Variants in ZNF713 observed in about 807,000 individuals in gnomAD.
ZNF713 encodes zinc finger protein 713.
A neutral mutation model predicts 28.7 loss-of-function variants in ZNF713; 21 were observed. That is an observed-to-expected ratio of 0.73 (90% CI 0.52 to 1.05). The LOEUF (loss-of-function observed/expected upper bound fraction) is 1.05. Ranked by LOEUF, ZNF713 falls within the 50% of genes least tolerant of loss-of-function variation. The pLI, the probability that ZNF713 is intolerant of heterozygous loss-of-function variation, is 0.00. For synonymous variants in ZNF713, 167 were observed against 178.0 expected (o/e 0.94, Z 0.49); for missense variants, 458 against 532.4 (o/e 0.86, Z 1.37).
Position 55,897,154 on chromosome 7 carries a change from A to T in ZNF713, c.-582-9099A>T, listed in dbSNP as rs1481331005. Among the ~76,000 whole-genome samples, 4 of 152,138 alleles carry T rather than the reference A, an allele frequency of 2.6e-5. No individual in the cohort carries two copies. In the South Asian group the frequency reaches 8.3e-4, roughly 32 times the overall value. On this transcript the variant is annotated intron_variant, in intron 1 of 6. Transcript: ENST00000429591. ...AGAAGAACACCATTAGGCAAACACCACGTTAATAATTGTTGCAGATGAGAT... is the reference window on the plus strand; with the variant it reads ...AGAAGAACACCATTAGGCAAACACCTCGTTAATAATTGTTGCAGATGAGAT...
chr7:55,939,053 G>C lies in ZNF713; in HGVS notation c.379G>C (p.Glu127Gln). Residue 127 changes from glutamate (E) to glutamine (Q), a missense_variant, in exon 7 of 7, where the codon GAG (glutamate) becomes CAG (glutamine). By Grantham distance (29) the Glu-to-Gln change is conservative. Transcript: ENST00000429591. ...TATTTCTGATGAAAATCAAACCCATGAGATGATAATGGAGAGACTCGCAGG... is the reference window on the plus strand; with the variant it reads ...TATTTCTGATGAAAATCAAACCCATCAGATGATAATGGAGAGACTCGCAGG... ...QNISDENQTH[E>Q]MIMERLAGDS... is the part of the protein sequence containing the mutation. 1 of 1,612,792 alleles carries C rather than the reference G, an allele frequency of 6.2e-7. No homozygotes were observed.
chr7:55,887,991 C>T (rs916549731), intron 1 of ZNF713, among the ~76,000 whole-genome samples: 3 of 151,488 alleles, frequency 2.0e-5, no homozygotes, highest in African/African-American at 7.3e-5. Flanking sequence ...GATTTTTGGT[C>T]TTTTATAGGA....
Position 55,912,075 on chromosome 7 carries a change from A to T in ZNF713, c.-3+7A>T, listed in dbSNP as rs1465996340. 6.6e-6 allele frequency: 1 copy of T among 152,350 alleles called. No individual in the cohort carries two copies. Among genetic ancestry groups the T allele is most frequent in the Non-Finnish European group, 1.5e-5 (1 of 68,164 alleles). The allele number at this position is 152,350 out of a possible 1,614,324, so 9.4% of individuals were successfully genotyped here. ...GAGAGACTCAAAAAGGAAGGTAAAC[A>T]CTTGGAAAAATCAGAATAGTGACAT... On this transcript the variant is annotated splice_region_variant and intron_variant, in intron 3 of 6. Transcript: ENST00000429591.
chr7:55,905,699 G>A (rs934996805), intron 1 of ZNF713, among the ~76,000 whole-genome samples: 5 of 151,962 alleles, frequency 3.3e-5, no homozygotes, highest in South Asian at 4.2e-4. Flanking sequence ...TTATCTTCAC[G>A]TTCCTGGAAT....
At position 55,926,420 on chromosome 7, in the gene ZNF713, T is replaced by C. The variant is rs146813904; in HGVS notation, c.307+2721T>C. On this transcript the variant is annotated intron_variant, in intron 6 of 6. Transcript: ENST00000429591. ...CAAGTGGTTTTTTTCACATCTCTTATCAGGGACAGGCAGCCTAACCGTCTT... is the reference window on the plus strand; with the variant it reads ...CAAGTGGTTTTTTTCACATCTCTTACCAGGGACAGGCAGCCTAACCGTCTT... Among the ~76,000 whole-genome samples, 587 of 152,312 alleles carry C rather than the reference T, an allele frequency of 3.9e-3. 4 individuals carry two copies. Among genetic ancestry groups the C allele is most frequent in the Non-Finnish European group, 4.6e-3 (313 of 68,022 alleles).
chr7:55,934,769 T>C (rs753548022), intron 6 of ZNF713, among the ~76,000 whole-genome samples: 98 of 152,212 alleles, frequency 6.4e-4, no homozygotes, highest in Non-Finnish European at 1.1e-3. Context: ...CCTCCCAAAA[T>C]GCTAAGATTA....
intron 6 of ZNF713, among the ~76,000 whole-genome samples, chr7:55,932,945 A>G (rs1246965904): frequency 6.9e-6 from 1 of 145,748 alleles, no homozygotes; most frequent in East Asian, 2.2e-4. Flanking sequence ...GGTTAAAAAT[A>G]CTTTGGTACT....
intron 1 of ZNF713, among the ~76,000 whole-genome samples, chr7:55,904,659 G>A (rs1440114011): frequency 1.3e-5 from 2 of 151,862 alleles, no homozygotes; most frequent in Non-Finnish European, 2.9e-5. Flanking sequence ...TTGTGGCCTT[G>A]AAAAAAAGAG....
At chr7:55,918,871 G>A (rs776098214) in intron 4 of ZNF713, among the ~76,000 whole-genome samples, 14 of 152,032 alleles carry the variant, frequency 9.2e-5, no homozygotes, top group Non-Finnish European at 1.6e-4. Flanking sequence ...GTTTGCGCCC[G>A]TAATCCCAGG....
At chr7:55,890,812 G>A (rs937379214) in intron 1 of ZNF713, among the ~76,000 whole-genome samples, 3 of 151,958 alleles carry the variant, frequency 2.0e-5, no homozygotes, top group Non-Finnish European at 4.4e-5. Flanking sequence ...CTGAGGTCAG[G>A]AGTTTGAGAC....
intron 4 of ZNF713, 95 bp downstream of exon 4, chr7:55,912,818 TC>T: frequency 2.0e-6 from 2 of 979,892 alleles, no homozygotes; most frequent in Non-Finnish European, 3.2e-6. Flanking sequence ...GTCACAAAAA[TC>T]CAGAGCCCAG....
intron 1 of ZNF713, among the ~76,000 whole-genome samples, chr7:55,903,670 AAAAAAAAAC>A (rs1425857797): frequency 1.3e-5 from 2 of 151,138 alleles, no homozygotes; most frequent in Non-Finnish European, 3.0e-5. Flanking sequence ...GTGTCTTAAA[AAAAAAAAAC>A]AAAAAAAAAC....
intron 6 of ZNF713, among the ~76,000 whole-genome samples, chr7:55,934,706 T>C (rs1406950677): frequency 2.6e-5 from 4 of 152,090 alleles, no homozygotes; most frequent in African/African-American, 9.7e-5. Context: ...GATTTCACTT[T>C]GTTGTCCAGG....
intron 1 of ZNF713, among the ~76,000 whole-genome samples, 191 bp downstream of exon 1, chr7:55,887,871 C>CGGCGGCGGCGGCGGCGGCG (rs1785301516): frequency 3.6e-4 from 1 of 2,740 alleles, no homozygotes; most frequent in Non-Finnish European, 7.6e-4. Flanking sequence ...CGGGCGGCGG[C>CGGCGGCGGCGGCGGCGGCG]GGCGGCGGCG....
intron 4 of ZNF713, chr7:55,918,258 C>T (rs1364616555): frequency 2.2e-5 from 6 of 274,678 alleles, no homozygotes; most frequent in East Asian, 8.8e-5. Flanking sequence ...CAGCCCTAGC[C>T]GAGCTCCCAG....
intron 4 of ZNF713, among the ~76,000 whole-genome samples, chr7:55,916,857 C>T (rs1785889634): frequency 6.6e-6 from 1 of 152,060 alleles, no homozygotes; most frequent in Non-Finnish European, 1.5e-5. Context: ...GGGAGAATTC[C>T]TTTATAACTT....
chr7:55,926,826 T>C (rs1786105385), intron 6 of ZNF713, among the ~76,000 whole-genome samples: 1 of 152,138 alleles, frequency 6.6e-6, no homozygotes, highest in Admixed American at 6.5e-5. Flanking sequence ...GTGTGTAATA[T>C]TCTTATAAGC....
At chr7:55,900,387 G>C (rs1024905208) in intron 1 of ZNF713, among the ~76,000 whole-genome samples, 2 of 151,488 alleles carry the variant, frequency 1.3e-5, no homozygotes, top group Non-Finnish European at 2.9e-5. Flanking sequence ...AGAAGTGCTC[G>C]AACCCGGGAG....
In ZNF713 at chr7:55,919,490, G is replaced by GTTTTTTTTTTTTTTTTTTTTTTTTTT. The variant is rs55656709; in HGVS notation, c.88-3664_88-3639dup. On this transcript the variant is annotated intron_variant, in intron 4 of 6. Transcript: ENST00000429591. ...GCTGGATAAATTGGTAAACACTCCA[G>GTTTTTTTTTTTTTTTTTTTTTTTTTT]TTTTTTTTTTTTTTTTTTTTTTTTT... 5.5e-4 allele frequency among the ~76,000 whole-genome samples: 37 copies of GTTTTTTTTTTTTTTTTTTTTTTTTTT among 66,752 alleles called. 3 individuals carry two copies. The highest frequency in any genetic ancestry group is 8.4e-4 in the Non-Finnish European group (27 of 32,214). 43.8% of individuals were successfully genotyped at this position (66,752 alleles called of 152,430 possible).
Sources: gnomAD v4.1 joint callset for allele counts (sites outside exome capture counted in the v4.1 genomes callset) on GRCh38, gnomAD v4.1.1 for gene constraint, MANE v1.5 for transcripts, NCBI Gene and HGNC (gene_info 2026-07-23, HGNC 2026-07-21) for gene names.